The following GAS2 variants were observed in gnomAD, a reference collection of about 807,000 sequenced individuals.
GAS2 encodes the protein growth arrest specific 2, also known as growth arrest-specific protein 2.
In GAS2, 20 loss-of-function variants were observed where a neutral mutation model predicts 37.5. The observed-to-expected ratio is 0.53, with a 90% CI of 0.37 to 0.77. The LOEUF (loss-of-function observed/expected upper bound fraction) is 0.77. GAS2 is among the 30% of genes least tolerant of loss of function. GAS2 has a pLI of 0.00. For synonymous variants in GAS2, 144 were observed against 132.2 expected (o/e 1.09, Z -0.61); for missense variants, 336 against 373.4 (o/e 0.90, Z 0.82).
At chr11:22,660,297 G>A (rs1387148279) in intron 1 of GAS2, among the ~76,000 whole-genome samples, 1 of 152,112 alleles carries the variant, frequency 6.6e-6, no homozygotes, top group Non-Finnish European at 1.5e-5. Context: ...GAGAAGGGAT[G>A]TATAAGATTC....
At chr11:22,727,846 C>T (rs1030587885) in intron 4 of GAS2, among the ~76,000 whole-genome samples, 1 of 151,738 alleles carries the variant, frequency 6.6e-6, no homozygotes, top group Non-Finnish European at 1.5e-5. Flanking sequence ...GGAAACCATG[C>T]GAGTGGAGGA....
At chr11:22,789,029 G>A (rs1024121035) in intron 7 of GAS2, among the ~76,000 whole-genome samples, 14 of 151,482 alleles carry the variant, frequency 9.2e-5, no homozygotes, top group African/African-American at 3.4e-4. Flanking sequence ...AATCACTAGG[G>A]AAATACTGAT....
At chr11:22,643,266 A>G (rs928183948) in intron 1 of GAS2, among the ~76,000 whole-genome samples, 1 of 152,090 alleles carries the variant, frequency 6.6e-6, no homozygotes. Flanking sequence ...AAAAAGGAAG[A>G]ATTTAAGCAA....
intron 7 of GAS2, among the ~76,000 whole-genome samples, chr11:22,760,076 G>C (rs1470565276): frequency 6.6e-6 from 1 of 152,034 alleles, no homozygotes; most frequent in Non-Finnish European, 1.5e-5. Context: ...TTGTGACACA[G>C]CCTCCCAAGT....
intron 3 of GAS2, among the ~76,000 whole-genome samples, chr11:22,709,745 A>G (rs1452905195): frequency 1.3e-5 from 2 of 152,200 alleles, no homozygotes; most frequent in Non-Finnish European, 2.9e-5. Context: ...ACAATAGCAA[A>G]GACTTGGAAC....
At chr11:22,633,882 A>C (rs1210362011) in intron 1 of GAS2, among the ~76,000 whole-genome samples, 1 of 152,116 alleles carries the variant, frequency 6.6e-6, no homozygotes, top group Admixed American at 6.6e-5. Flanking sequence ...CTGCACCTGG[A>C]GGGCACTCCT....
At chr11:22,745,129 A>AG (rs1853314055) in intron 5 of GAS2, among the ~76,000 whole-genome samples, 1 of 150,610 alleles carries the variant, frequency 6.6e-6, no homozygotes, top group Non-Finnish European at 1.5e-5. Context: ...AAAAAAAAAA[A>AG]AAAAGAAAGA....
At position 22,755,925 on chromosome 11, in the gene GAS2, G is replaced by C. The variant is rs776608819; in HGVS notation, c.695G>C (p.Arg232Pro). 1.2e-6 allele frequency: 2 copies of C among 1,611,848 alleles called. No individual in the cohort carries two copies. Among genetic ancestry groups the C allele is most frequent in the Non-Finnish European group, 1.7e-6 (2 of 1,178,314 alleles). The change falls in exon 7 of 8, where the codon CGA becomes CCA. Residue 232 changes from arginine to proline, a missense_variant. Coordinates refer to ENST00000454584, the MANE Select transcript of GAS2 (RefSeq NM_001143830.3). ...GAGCGGCTCTCCCAAGGAAGATACC[G>C]AGTGGGAGAAAAGATCCTCTTCATT... ...CVERLSQGRY[R>P]VGEKILFIRM...
At chr11:22,694,911 T>G (rs1390735484) in intron 3 of GAS2, among the ~76,000 whole-genome samples, 1 of 152,186 alleles carries the variant, frequency 6.6e-6, no homozygotes, top group East Asian at 1.9e-4. Flanking sequence ...TATTGAGGCT[T>G]TGTAACTAGT....
intron 7 of GAS2, among the ~76,000 whole-genome samples, chr11:22,780,453 C>T (rs1262042088): frequency 6.6e-6 from 1 of 151,500 alleles, no homozygotes; most frequent in Non-Finnish European, 1.5e-5. Context: ...CGAAATCGTG[C>T]CACTGCACTC....
chr11:22,697,638 T>C (rs1340662646), intron 3 of GAS2, among the ~76,000 whole-genome samples: 1 of 152,132 alleles, frequency 6.6e-6, no homozygotes, highest in African/African-American at 2.4e-5. Context: ...GGTTTGTAGT[T>C]CTCCTTGAAG....
In GAS2 at chr11:22,697,820, T is replaced by G. The variant is rs868607940; in HGVS notation, c.267+12031T>G. Among the ~76,000 whole-genome samples, 1,270 of 152,224 alleles carry G rather than the reference T, an allele frequency of 8.3e-3. 16 individuals carry two copies. Among genetic ancestry groups the G allele is most frequent in the African/African-American group, 0.029 (1,210 of 41,534 alleles). On this transcript the variant is annotated intron_variant, in intron 3 of 7. Coordinates refer to ENST00000454584, the MANE Select transcript of GAS2 (RefSeq NM_001143830.3). ...GTATCCTGAGACTTTGCTGAAGTTG[T>G]TTATCAGCTTAAGGAGATTTTGGGC...
intron 1 of GAS2, among the ~76,000 whole-genome samples, chr11:22,655,780 A>T (rs955273968): frequency 2.0e-5 from 3 of 152,216 alleles, no homozygotes; most frequent in Non-Finnish European, 2.9e-5. Context: ...TGTAAATAAT[A>T]TTCTTCCTTC....
chr11:22,789,451 TATA>T (rs1856020462), intron 7 of GAS2, among the ~76,000 whole-genome samples: 7 of 87,052 alleles, frequency 8.0e-5, no homozygotes, highest in African/African-American at 3.1e-4. Flanking sequence ...TATATATATA[TATA>T]TTCTTTTTTT....
intron 5 of GAS2, among the ~76,000 whole-genome samples, chr11:22,746,937 C>A (rs1345822232): frequency 6.6e-6 from 1 of 151,998 alleles, no homozygotes; most frequent in Non-Finnish European, 1.5e-5. Flanking sequence ...GAATGAGAAA[C>A]AAATCTTAAT....
intron 7 of GAS2, among the ~76,000 whole-genome samples, chr11:22,766,387 G>T (rs972053524): frequency 3.9e-5 from 6 of 152,000 alleles, no homozygotes; most frequent in African/African-American, 9.7e-5. Context: ...TGAATTTAAT[G>T]TATCTGATTT....
chr11:22,655,080 A>G (rs1042752536), intron 1 of GAS2, among the ~76,000 whole-genome samples: 3 of 152,038 alleles, frequency 2.0e-5, no homozygotes, highest in Non-Finnish European at 4.4e-5. Context: ...CTCTCTCCCT[A>G]CTGCCCTTCA....
At chr11:22,695,090 C>T (rs929879737) in intron 3 of GAS2, among the ~76,000 whole-genome samples, 7 of 151,934 alleles carry the variant, frequency 4.6e-5, no homozygotes, top group African/African-American at 1.2e-4. Context: ...GAGGCTGAGG[C>T]GGGTGGATCA....
At chr11:22,792,429 A>C (rs1272171791) in intron 7 of GAS2, among the ~76,000 whole-genome samples, 2 of 152,268 alleles carry the variant, frequency 1.3e-5, no homozygotes, top group African/African-American at 4.8e-5. Context: ...AAATGAGAGA[A>C]TAGAAATATA....
Sources: allele counts gnomAD v4.1 joint callset (sites outside exome capture counted in the v4.1 genomes callset), GRCh38; gene constraint gnomAD v4.1.1; transcripts MANE v1.5; gene names NCBI Gene and HGNC (gene_info 2026-07-23, HGNC 2026-07-21).